Variants in GNB1 observed in about 807,000 individuals in gnomAD.
GNB1 encodes the protein guanine nucleotide-binding protein G(I)/G(S)/G(T) subunit beta-1.
GNB1 carries 2 observed loss-of-function variants against 42.9 expected under a neutral mutation model. The observed-to-expected ratio is 0.05, with a 90% CI of 0.02 to 0.15. The LOEUF is 0.15. Ranked by LOEUF, GNB1 falls within the 10% of genes least tolerant of loss-of-function variation. The pLI is 1.00. For synonymous variants in GNB1, 183 were observed against 174.7 expected (o/e 1.05, Z -0.38); for missense variants, 193 against 462.2 (o/e 0.42, Z 5.34).
chr1:1,865,947 A>T (rs892386174), intron 1 of GNB1, among the ~76,000 whole-genome samples: 71 of 145,616 alleles, frequency 4.9e-4, no homozygotes, highest in Middle Eastern at 3.6e-3. Context: ...GTATTTATTT[A>T]TTTTTTTTTT....
intron 1 of GNB1, among the ~76,000 whole-genome samples, chr1:1,848,922 A>G (rs565236472): frequency 6.6e-6 from 1 of 152,326 alleles, no homozygotes; most frequent in Non-Finnish European, 1.5e-5. Flanking sequence ...TTCAAAAACT[A>G]TTGGATGTTC....
At chr1:1,869,562 C>T (rs1649134760) in intron 1 of GNB1, among the ~76,000 whole-genome samples, 1 of 152,146 alleles carries the variant, frequency 6.6e-6, no homozygotes, top group African/African-American at 2.4e-5. Flanking sequence ...CCAACAATCA[C>T]AGCCACAGAA....
chr1:1,852,477 G>A (rs1402169340), intron 1 of GNB1, among the ~76,000 whole-genome samples: 2 of 151,834 alleles, frequency 1.3e-5, no homozygotes, highest in South Asian at 4.2e-4. Context: ...CGACCCGCCC[G>A]CCTCAGTCTC....
intron 1 of GNB1, among the ~76,000 whole-genome samples, chr1:1,847,085 C>G (rs1350151658): frequency 1.3e-5 from 2 of 152,078 alleles, no homozygotes; most frequent in Non-Finnish European, 1.5e-5. Flanking sequence ...CTGGAAAAAA[C>G]TGCCACAAAG....
chr1:1,833,181 C>T (rs1286125758), intron 2 of GNB1, among the ~76,000 whole-genome samples: 1 of 152,080 alleles, frequency 6.6e-6, no homozygotes, highest in African/African-American at 2.4e-5. Flanking sequence ...CCAAACCGGC[C>T]CCAGTGTCTT....
At chr1:1,881,994 G>T (rs561382482) in intron 1 of GNB1, among the ~76,000 whole-genome samples, 34 of 152,120 alleles carry the variant, frequency 2.2e-4, no homozygotes, top group African/African-American at 7.2e-4. Context: ...TTTTTAATGA[G>T]AAGCTGCCAC....
chr1:1,799,079 C>G (rs1217812607), intron 7 of GNB1, among the ~76,000 whole-genome samples: 1 of 152,158 alleles, frequency 6.6e-6, no homozygotes, highest in Non-Finnish European at 1.5e-5. Flanking sequence ...CGCCACCTCG[C>G]CCGGCTAATT....
intron 5 of GNB1, among the ~76,000 whole-genome samples, chr1:1,809,762 T>A (rs564588558): frequency 6.6e-6 from 1 of 152,188 alleles, no homozygotes; most frequent in Non-Finnish European, 1.5e-5. Context: ...TAGTCCCGGG[T>A]CAGGGAGCTG....
chr1:1,834,026 A>G (rs1487508999), intron 2 of GNB1, among the ~76,000 whole-genome samples: 3 of 152,094 alleles, frequency 2.0e-5, no homozygotes, highest in African/African-American at 7.2e-5. Flanking sequence ...TAACAAATAA[A>G]CTTCAAGGGA....
At chr1:1,886,685 A>G (rs1650175033) in intron 1 of GNB1, among the ~76,000 whole-genome samples, 1 of 152,200 alleles carries the variant, frequency 6.6e-6, no homozygotes, top group East Asian at 1.9e-4. Context: ...CTGAAATCAG[A>G]ATGTAAACCA....
chr1:1,886,699 T>A (rs1221583875), intron 1 of GNB1, among the ~76,000 whole-genome samples: 1 of 152,222 alleles, frequency 6.6e-6, no homozygotes, highest in African/African-American at 2.4e-5. Flanking sequence ...TAAACCAGTT[T>A]AAAATTTTTT....
At chr1:1,809,527 G>A (rs550166923) in intron 5 of GNB1, among the ~76,000 whole-genome samples, 6 of 152,276 alleles carry the variant, frequency 3.9e-5, no homozygotes, top group East Asian at 1.9e-4. Context: ...TTATTTCTAC[G>A]TAATGGTATC....
intron 1 of GNB1, among the ~76,000 whole-genome samples, chr1:1,848,357 C>CAAAAAAAAAAAA (rs56979938): frequency 1.1e-5 from 1 of 94,366 alleles, no homozygotes; most frequent in Admixed American, 1.0e-4. Flanking sequence ...CCAGCCCAGG[C>CAAAAAAAAAAAA]AAAAAAAAAA....
At chr1:1,854,378 A>G (rs181506626) in intron 1 of GNB1, among the ~76,000 whole-genome samples, 3 of 152,264 alleles carry the variant, frequency 2.0e-5, no homozygotes, top group East Asian at 1.9e-4. Flanking sequence ...TGCCACTTCT[A>G]CCTCTGAATG....
chr1:1,793,348 A>C (rs1176136565), intron 7 of GNB1, 37 bp from the exon 8 acceptor site: 1 of 1,479,832 alleles, frequency 6.8e-7, no homozygotes, highest in South Asian at 1.1e-5. Flanking sequence ...AGCTGAATCC[A>C]GCAGGCCTTG....
At chr1:1,870,491 G>A (rs1649187008) in intron 1 of GNB1, among the ~76,000 whole-genome samples, 1 of 152,148 alleles carries the variant, frequency 6.6e-6, no homozygotes, top group African/African-American at 2.4e-5. Flanking sequence ...AGCCCGTCTT[G>A]TTTAAAAATC....
chr1:1,867,341 G>T (rs191921402), intron 1 of GNB1, among the ~76,000 whole-genome samples: 3 of 152,194 alleles, frequency 2.0e-5, no homozygotes, highest in Non-Finnish European at 2.9e-5. Flanking sequence ...GGACAAGCAT[G>T]ACTAGGCATT....
chr1:1,825,844 T>G (rs953207888), intron 2 of GNB1, among the ~76,000 whole-genome samples: 3 of 151,242 alleles, frequency 2.0e-5, no homozygotes, highest in African/African-American at 7.3e-5. Flanking sequence ...CAGCCCGGGC[T>G]TCACAGCAAT....
At chr1:1,798,221 C>T (rs1646573065) in intron 7 of GNB1, among the ~76,000 whole-genome samples, 1 of 152,202 alleles carries the variant, frequency 6.6e-6, no homozygotes, top group Non-Finnish European at 1.5e-5. Flanking sequence ...GCTGTGAGGC[C>T]CACCAGTGCA....
Sources: gnomAD v4.1 joint callset for allele counts (sites outside exome capture counted in the v4.1 genomes callset) on GRCh38, gnomAD v4.1.1 for gene constraint, MANE v1.5 for transcripts, NCBI Gene and HGNC (gene_info 2026-07-23, HGNC 2026-07-21) for gene names.